The following BRSK2 variants were observed in gnomAD, a reference collection of about 807,000 sequenced individuals.
The protein encoded by BRSK2 is BR serine/threonine kinase 2, also known as serine/threonine-protein kinase BRSK2.
A neutral mutation model predicts 83.3 loss-of-function variants in BRSK2; 19 were observed. That is an observed-to-expected ratio of 0.23 (90% CI 0.16 to 0.33). The LOEUF is 0.33. Among genes scored for constraint, BRSK2 ranks in the 10% least tolerant of loss-of-function variants. BRSK2 has a pLI of 1.00. For synonymous variants in BRSK2, 519 were observed against 435.4 expected (o/e 1.19, Z -2.39); for missense variants, 798 against 1,042.3 (o/e 0.77, Z 3.23).
intron 1 of BRSK2, among the ~76,000 whole-genome samples, chr11:1,413,354 G>C (rs1590373076): frequency 6.6e-6 from 1 of 152,206 alleles, no homozygotes; most frequent in East Asian, 1.9e-4. Flanking sequence ...GCCACGGGGA[G>C]ACTCACAGAG....
chr11:1,410,838 CTG>C lies in BRSK2; in HGVS notation c.91+20466_91+20467del, dbSNP rs1847400345. ...GCACAGCAGGGCACCACCGAGACCA[CTG>C]TGGCCTGAGGAGGAGCTTCAGCAGC... On this transcript the variant is annotated intron_variant, in intron 1 of 19. Transcript: ENST00000528841. 5 of 985,444 alleles carry C rather than the reference CTG, an allele frequency of 5.1e-6. No homozygotes were observed. The South Asian group carries it at 2.3e-4, about 46-fold the overall frequency. The allele number at this position is 985,444 out of a possible 1,614,324, so 61.0% of individuals were successfully genotyped here.
chr11:1,433,709 G>A (rs979630477), intron 1 of BRSK2, among the ~76,000 whole-genome samples: 5 of 152,260 alleles, frequency 3.3e-5, no homozygotes, highest in African/African-American at 1.2e-4. Context: ...AAGGGCTCTA[G>A]GCCCTCCTGA....
At chr11:1,403,137 G>A (rs1307904763) in intron 1 of BRSK2, among the ~76,000 whole-genome samples, 1 of 152,158 alleles carries the variant, frequency 6.6e-6, no homozygotes, top group African/African-American at 2.4e-5. Flanking sequence ...TCAACTGTGG[G>A]GTCAGCTGGC....
chr11:1,458,221 G>C (rs530254752), intron 18 of BRSK2, among the ~76,000 whole-genome samples: 35 of 152,164 alleles, frequency 2.3e-4, no homozygotes, highest in African/African-American at 8.0e-4. Context: ...CTCCTGCGTG[G>C]GCTGTAGGCA....
At chr11:1,404,263 C>A (rs576296502) in intron 1 of BRSK2, among the ~76,000 whole-genome samples, 10 of 152,202 alleles carry the variant, frequency 6.6e-5, no homozygotes, top group Non-Finnish European at 1.0e-4. Flanking sequence ...GGGCCTCACT[C>A]CTCTGTGTTC....
chr11:1,420,564 G>A (rs1204314209), intron 1 of BRSK2, among the ~76,000 whole-genome samples: 1 of 152,216 alleles, frequency 6.6e-6, no homozygotes, highest in African/African-American at 2.4e-5. Flanking sequence ...ACAGGTGAGT[G>A]TGAGGTCTGC....
Position 1,454,338 on chromosome 11 carries a change from C to A in BRSK2, c.1545-147C>A. On this transcript the variant is annotated intron_variant, in intron 15 of 19. Coordinates refer to ENST00000528841, the MANE Select transcript of BRSK2 (RefSeq NM_001256627.2). This position sits in a 1 kb window ranked among gnomAD's most constrained non-coding sequence, Gnocchi z 5.2. ...AGGGTTAGGGCGTTGGGGTCAGGGCCATGGGTTCTGGCTAGCACTGTGGAG... is the reference window on the plus strand; with the variant it reads ...AGGGTTAGGGCGTTGGGGTCAGGGCAATGGGTTCTGGCTAGCACTGTGGAG... The A allele has an allele frequency of 1.1e-6, 1 of 943,448 alleles. No individual in the cohort carries two copies. Among genetic ancestry groups the A allele is most frequent in the Admixed American group, 2.0e-5 (1 of 50,436 alleles). 58.4% of individuals were successfully genotyped at this position (943,448 alleles called of 1,614,324 possible).
At position 1,447,852 on chromosome 11, in the gene BRSK2, C is replaced by T. The variant is rs995706269; in HGVS notation, c.1227-1924C>T. On this transcript the variant is annotated intron_variant, in intron 12 of 19. Coordinates refer to ENST00000528841, the MANE Select transcript of BRSK2 (RefSeq NM_001256627.2). ...TCGCTGAGGCCCATCCCCAATTCAG[C>T]AAAGAAGACAGGTATACACCCCGAC... 9 of 1,596,620 alleles carry T rather than the reference C, an allele frequency of 5.6e-6. No homozygotes were observed. In the African/African-American group the frequency reaches 1.1e-4, roughly 19 times the overall value.
At chr11:1,393,000 G>T (rs1845824398) in intron 1 of BRSK2, among the ~76,000 whole-genome samples, 1 of 152,080 alleles carries the variant, frequency 6.6e-6, no homozygotes, top group Non-Finnish European at 1.5e-5. Context: ...GTGGTTTCTG[G>T]CCAAGACTTA....
intron 18 of BRSK2, among the ~76,000 whole-genome samples, chr11:1,457,936 TAAG>T (rs1278789319): frequency 6.6e-6 from 1 of 151,830 alleles, no homozygotes; most frequent in Non-Finnish European, 1.5e-5. Context: ...GCACAGCGGG[TAAG>T]GAGGAGCAGG....
At position 1,460,486 on chromosome 11, in the gene BRSK2, T is replaced by C; in HGVS notation, c.1988-14T>C. 1 of 1,453,298 alleles carries C rather than the reference T, an allele frequency of 6.9e-7. No homozygotes were observed. Among genetic ancestry groups the C allele is most frequent in the Non-Finnish European group, 9.1e-7 (1 of 1,099,286 alleles). The allele number at this position is 1,453,298 out of a possible 1,614,324, so 90.0% of individuals were successfully genotyped here. A position where few individuals can be genotyped will look rare whatever the true frequency, so the allele number is the denominator to read the frequency against. On this transcript the variant is annotated splice_polypyrimidine_tract_variant and intron_variant, in intron 19 of 19. Coordinates refer to ENST00000528841, the MANE Select transcript of BRSK2 (RefSeq NM_001256627.2). Reference sequence around the variant, plus strand: ...CTTTTTTTTTTTTTTTTTGTCTCTGTTCTGTGTACCCAGGCAGCCCATTGA... The same window carrying C: ...CTTTTTTTTTTTTTTTTTGTCTCTGCTCTGTGTACCCAGGCAGCCCATTGA...
chr11:1,446,391 G>C (rs978771572), intron 12 of BRSK2, among the ~76,000 whole-genome samples: 3 of 149,146 alleles, frequency 2.0e-5, no homozygotes, highest in Non-Finnish European at 1.5e-5. Context: ...GGCTGGGCTG[G>C]GCTAAACTGG....
intron 1 of BRSK2, among the ~76,000 whole-genome samples, chr11:1,413,578 C>A (rs2134136538): frequency 6.6e-6 from 1 of 152,384 alleles, no homozygotes; most frequent in Non-Finnish European, 1.5e-5. Context: ...AGAACTTCCC[C>A]AAGCCAGGAA....
intron 1 of BRSK2, among the ~76,000 whole-genome samples, chr11:1,405,417 C>T (rs532865807): frequency 1.8e-4 from 27 of 152,210 alleles, no homozygotes; most frequent in African/African-American, 3.9e-4. Flanking sequence ...CCCTGTGGCT[C>T]GTGAAGCTCA....
At chr11:1,457,621 T>G (rs1846771706) in intron 18 of BRSK2, among the ~76,000 whole-genome samples, 1 of 152,012 alleles carries the variant, frequency 6.6e-6, no homozygotes, top group African/African-American at 2.4e-5. Flanking sequence ...GCGCTGGGCG[T>G]CGTGGGGGAG....
intron 1 of BRSK2, among the ~76,000 whole-genome samples, chr11:1,422,790 G>T (rs548593154): frequency 2.5e-3 from 375 of 152,286 alleles, no homozygotes; most frequent in African/African-American, 8.8e-3. Context: ...CCAGCTGTTT[G>T]CCCAGCGCCA....
At position 1,423,375 on chromosome 11, in the gene BRSK2, G is replaced by A. The variant is rs1848823083; in HGVS notation, c.92-12665G>A. On this transcript the variant is annotated intron_variant, in intron 1 of 19. Coordinates refer to ENST00000528841, the MANE Select transcript of BRSK2 (RefSeq NM_001256627.2). The surrounding 1 kb of genome is among the most constrained non-coding windows in gnomAD (Gnocchi z 6.5). Reference sequence around the variant, plus strand: ...CCTTCAGTTAGGAGCCGAGGCCTCTGGCCAGGTTCAGGCACGTGGAGAGTG... The same window carrying A: ...CCTTCAGTTAGGAGCCGAGGCCTCTAGCCAGGTTCAGGCACGTGGAGAGTG... Among the ~76,000 whole-genome samples the A allele has an allele frequency of 6.6e-6, 1 of 152,160 alleles. No individual in the cohort carries two copies. Among genetic ancestry groups the A allele is most frequent in the Admixed American group, 6.5e-5 (1 of 15,284 alleles).
At chr11:1,392,894 G>T (rs183756935) in intron 1 of BRSK2, among the ~76,000 whole-genome samples, 105 of 152,268 alleles carry the variant, frequency 6.9e-4, no homozygotes, top group African/African-American at 2.5e-3. Context: ...CGGTGGCTGT[G>T]GGGGTTGCCT....
Position 1,460,557 on chromosome 11 carries a change from A to T in BRSK2, c.2045A>T (p.Asn682Ile). The change falls in exon 20 of 20, where the codon AAC becomes ATC. Residue 682 changes from asparagine to isoleucine, a missense_variant. This residue lies in a region of BRSK2 where 455 missense variants were observed against 455.2 expected (regional missense o/e 1.00). Transcript: ENST00000528841. ...AAACAACTTTTTTCAGACGAGAAGA[A>T]CGGGCAGGCGGCCCAGGCCCCCAGC... is the stretch of plus-strand genomic sequence containing the variant. ...VIKQLFSDEK[N>I]GQAAQAPSTP... is the part of the protein sequence containing the mutation. 1.3e-6 allele frequency: 2 copies of T among 1,529,548 alleles called. No individual in the cohort carries two copies. The highest frequency in any genetic ancestry group is 1.7e-6 in the Non-Finnish European group (2 of 1,144,426). The allele number at this position is 1,529,548 out of a possible 1,614,324, so 94.7% of individuals were successfully genotyped here. A position where few individuals can be genotyped will look rare whatever the true frequency, so the allele number is the denominator to read the frequency against.
Sources: gnomAD v4.1 joint callset for allele counts (sites outside exome capture counted in the v4.1 genomes callset) on GRCh38, gnomAD v4.1.1 for gene constraint, gnomAD v4.1.1 regional missense constraint, Gnocchi (gnomAD v3.1) non-coding constraint, MANE v1.5 for transcripts, NCBI Gene and HGNC (gene_info 2026-07-23, HGNC 2026-07-21) for gene names.